Variants in SQOR observed in about 807,000 individuals in gnomAD.
SQOR encodes the protein sulfide quinone oxidoreductase.
In SQOR, 39 loss-of-function variants were observed where a neutral mutation model predicts 48.6. That is an observed-to-expected ratio of 0.80 (90% CI 0.62 to 1.05). The LOEUF (loss-of-function observed/expected upper bound fraction) is 1.05. Among genes scored for constraint, SQOR ranks in the 50% least tolerant of loss-of-function variants. SQOR has a pLI of 0.00. For synonymous variants in SQOR, 220 were observed against 206.2 expected (o/e 1.07, Z -0.57); for missense variants, 561 against 559.9 (o/e 1.00, Z -0.02).
At chr15:45,686,886 TTGCAAC>T (rs1420002113) in intron 7 of SQOR, among the ~76,000 whole-genome samples, 1 of 152,078 alleles carries the variant, frequency 6.6e-6, no homozygotes, top group Non-Finnish European at 1.5e-5. Flanking sequence ...TCTCAGCTCA[TTGCAAC>T]CTCTGCCTCC....
rs1441740750 is a variant in SQOR at position 45,635,078 on chromosome 15, C to G, written c.-48C>G. On this transcript the variant is annotated 5_prime_UTR_variant, in exon 1 of 10. Coordinates refer to ENST00000260324, the MANE Select transcript of SQOR (RefSeq NM_021199.4). The stretch of plus-strand genomic sequence containing the variant: ...GGAGCGAAGGTTTTTGCTGCGCCAA[C>G]GCAGTGACCGAAGGCTCCGCTCACG... 1 of 152,280 alleles carries G rather than the reference C, an allele frequency of 6.6e-6. No individual in the cohort carries two copies. The highest frequency in any genetic ancestry group is 1.9e-4 in the East Asian group (1 of 5,190). 9.4% of individuals were successfully genotyped at this position (152,280 alleles called of 1,614,324 possible). A position where few individuals can be genotyped will look rare whatever the true frequency, so the allele number is the denominator to read the frequency against.
chr15:45,634,732 G>A (rs1040383006), upstream of SQOR: 2 of 152,334 alleles, frequency 1.3e-5, no homozygotes, highest in African/African-American at 4.8e-5. Flanking sequence ...TTGGCACCCA[G>A]GGGCGGAAGC....
upstream of SQOR, chr15:45,631,194 CTCCATGATTCTGAGGCCTCCCCAGCCA>C (rs1227292408): frequency 5.5e-6 from 1 of 180,414 alleles, no homozygotes; most frequent in African/African-American, 2.4e-5. Context: ...TTTCGCCTCC[CTCCATGATTCTGAGGCCTCCCCAGCCA>C]CATGGTACTG....
intron 7 of SQOR, among the ~76,000 whole-genome samples, chr15:45,685,203 T>G (rs1890201206): frequency 6.6e-6 from 1 of 152,190 alleles, no homozygotes; most frequent in African/African-American, 2.4e-5. Flanking sequence ...CTATTTACTC[T>G]TCTCTTCAAT....
At chr15:45,686,096 T>C (rs1890219367) in intron 7 of SQOR, among the ~76,000 whole-genome samples, 1 of 152,060 alleles carries the variant, frequency 6.6e-6, no homozygotes, top group Non-Finnish European at 1.5e-5. Flanking sequence ...TCCTCCTGCT[T>C]TGGCCTCCCA....
At chr15:45,636,657 C>T (rs1595568348) in intron 1 of SQOR, among the ~76,000 whole-genome samples, 1 of 152,254 alleles carries the variant, frequency 6.6e-6, no homozygotes, top group African/African-American at 2.4e-5. Flanking sequence ...CCACCTTGGA[C>T]TCCCAAAGTT....
intron 3 of SQOR, among the ~76,000 whole-genome samples, chr15:45,663,106 C>T (rs1005040083): frequency 3.3e-5 from 5 of 152,154 alleles, no homozygotes; most frequent in African/African-American, 1.2e-4. Flanking sequence ...CAACCTCTAC[C>T]TCCTGGGTTC....
chr15:45,673,490 T>TA, intron 4 of SQOR, 117 bp from the exon 5 acceptor site: 1 of 1,108,406 alleles, frequency 9.0e-7, no homozygotes, highest in South Asian at 1.5e-5. Flanking sequence ...GGCATGTGGG[T>TA]ATTGGAGGGT....
chr15:45,673,817 G>C lies in SQOR; in HGVS notation c.654+16G>C, dbSNP rs1383191459. The C allele has an allele frequency of 2.5e-6, 4 of 1,613,278 alleles. No individual in the cohort carries two copies. The highest frequency in any genetic ancestry group is 3.4e-6 in the Non-Finnish European group (4 of 1,179,530). On this transcript the variant is annotated intron_variant, in intron 5 of 9. Coordinates refer to ENST00000260324, the MANE Select transcript of SQOR (RefSeq NM_021199.4). ...CTTCAGGAAGGTATGCTTCCTTTCT[G>C]GGGACAGAGATGAGCAGGGCGGACA...
intron 1 of SQOR, among the ~76,000 whole-genome samples, chr15:45,651,518 T>C (rs8037993): frequency 0.97 from 147,303 of 152,398 alleles, 71,234 homozygotes; most frequent in East Asian, 1. Flanking sequence ...TCCGAGGAGG[T>C]GCTGAGAGCG....
At chr15:45,678,881 CAT>C (rs1333460840) in intron 6 of SQOR, among the ~76,000 whole-genome samples, 2 of 152,230 alleles carry the variant, frequency 1.3e-5, no homozygotes, top group South Asian at 2.1e-4. Context: ...AGTGAGAGCT[CAT>C]ATGAGTGAAC....
chr15:45,636,076 A>T (rs775263902), intron 1 of SQOR, among the ~76,000 whole-genome samples: 6 of 152,090 alleles, frequency 3.9e-5, no homozygotes, highest in Non-Finnish European at 7.4e-5. Context: ...TGATCCGCAC[A>T]CTTCGGCCTT....
chr15:45,679,081 G>A (rs1480496060), intron 6 of SQOR, among the ~76,000 whole-genome samples: 1 of 152,202 alleles, frequency 6.6e-6, no homozygotes, highest in African/African-American at 2.4e-5. Context: ...GATAGCTGAG[G>A]TTGTAGGTAG....
chr15:45,643,754 C>G (rs1028814800), intron 1 of SQOR, among the ~76,000 whole-genome samples: 2 of 152,114 alleles, frequency 1.3e-5, no homozygotes, highest in African/African-American at 4.8e-5. Flanking sequence ...GACTTATATG[C>G]TGCAGAAAAC....
intron 1 of SQOR, among the ~76,000 whole-genome samples, chr15:45,650,573 A>G (rs1889464036): frequency 6.6e-6 from 1 of 152,184 alleles, no homozygotes; most frequent in Non-Finnish European, 1.5e-5. Flanking sequence ...ACCAGAAAGG[A>G]CTGCCACCGC....
At chr15:45,672,410 A>G (rs1889961041) in intron 4 of SQOR, among the ~76,000 whole-genome samples, 1 of 152,192 alleles carries the variant, frequency 6.6e-6, no homozygotes, top group African/African-American at 2.4e-5. Flanking sequence ...CAATGTTACT[A>G]CTATCTAACT....
At chr15:45,675,298 G>A (rs983399703) in intron 5 of SQOR, among the ~76,000 whole-genome samples, 8 of 152,064 alleles carry the variant, frequency 5.3e-5, no homozygotes, top group Admixed American at 2.0e-4. Flanking sequence ...GAGAATATTG[G>A]CCTCTCTGAT....
At chr15:45,646,923 C>G (rs1180247829) in intron 1 of SQOR, among the ~76,000 whole-genome samples, 1 of 152,154 alleles carries the variant, frequency 6.6e-6, no homozygotes, top group Non-Finnish European at 1.5e-5. Flanking sequence ...TAAATCAGTA[C>G]TATTATTGTA....
At chr15:45,651,777 T>C (rs907929101) in intron 1 of SQOR, among the ~76,000 whole-genome samples, 1 of 151,870 alleles carries the variant, frequency 6.6e-6, no homozygotes, top group Non-Finnish European at 1.5e-5. Flanking sequence ...CCTTGATTTT[T>C]AAGTGTATTT....
Sources: allele counts gnomAD v4.1 joint callset (sites outside exome capture counted in the v4.1 genomes callset), GRCh38; gene constraint gnomAD v4.1.1; transcripts MANE v1.5; gene names NCBI Gene and HGNC (gene_info 2026-07-23, HGNC 2026-07-21).